Variants in FMN2 observed in about 807,000 individuals in gnomAD.
FMN2 encodes formin 2.
FMN2 carries 51 observed loss-of-function variants against 142.3 expected under a neutral mutation model. The ratio of observed to expected loss-of-function variants is 0.36; its 90% CI spans 0.29 to 0.45. The LOEUF (loss-of-function observed/expected upper bound fraction) is 0.45, where lower values mean the gene tolerates loss of function less well. Ranked by LOEUF, FMN2 falls within the 20% of genes least tolerant of loss-of-function variation. The pLI, the probability that FMN2 is intolerant of heterozygous loss-of-function variation, is 1.00. For synonymous variants in FMN2, 882 were observed against 869.8 expected, an observed-to-expected ratio of 1.01 and a Z score of -0.25; for missense variants, 1,936 against 2,122.8, an observed-to-expected ratio of 0.91 and a Z score of 1.73.
rs1244637290 is a variant in FMN2, at chr1:240,270,688, C to T, written c.4153+12656C>T. Among the ~76,000 whole-genome samples, 5 of 151,950 alleles carry T rather than the reference C, an allele frequency of 3.3e-5. No homozygotes were observed. The East Asian group carries it at 9.6e-4, about 29-fold the overall frequency. On this transcript the variant is annotated intron_variant, in intron 7 of 17. Coordinates refer to ENST00000319653, the MANE Select transcript of FMN2 (RefSeq NM_020066.5). ...AACTAGGTAATTCTGTCATTTGTAA[C>T]AACATGGACAAACCTAGAAGACATT...
At chr1:240,320,169 T>G (rs12046342) in intron 8 of FMN2, among the ~76,000 whole-genome samples, 83,301 of 151,694 alleles carry the variant, frequency 0.55, 23,307 homozygotes, top group African/African-American at 0.65. Flanking sequence ...CAGGGTGAGA[T>G]TGGGAAGGGG....
chr1:240,106,200 A>G (rs1661600851), intron 1 of FMN2, among the ~76,000 whole-genome samples: 1 of 152,050 alleles, frequency 6.6e-6, no homozygotes, highest in African/African-American at 2.4e-5. Context: ...GCCTTTTGGG[A>G]TGCCTTTTAG....
intron 15 of FMN2, among the ~76,000 whole-genome samples, chr1:240,427,266 T>C (rs933946121): frequency 6.6e-5 from 10 of 151,580 alleles, no homozygotes; most frequent in South Asian, 2.1e-4. Flanking sequence ...AGTGCAGTAG[T>C]GCTATCTCGG....
At chr1:240,115,128 G>A (rs2103202666) in intron 1 of FMN2, among the ~76,000 whole-genome samples, 1 of 152,212 alleles carries the variant, frequency 6.6e-6, no homozygotes, top group Admixed American at 6.5e-5. Flanking sequence ...GATAGCTGAT[G>A]TTTTATTTTT....
chr1:240,200,659 C>G (rs1217457022), intron 4 of FMN2, among the ~76,000 whole-genome samples: 2 of 152,066 alleles, frequency 1.3e-5, no homozygotes, highest in East Asian at 3.9e-4. Flanking sequence ...GGGATTGTAA[C>G]ATTAATACAG....
chr1:240,217,812 A>T (rs1666960865), intron 6 of FMN2, among the ~76,000 whole-genome samples: 1 of 152,110 alleles, frequency 6.6e-6, no homozygotes, highest in Non-Finnish European at 1.5e-5. Context: ...AAAATAAAAA[A>T]AAAAACACGA....
At chr1:240,157,215 TAAC>T (rs1664061070) in intron 2 of FMN2, among the ~76,000 whole-genome samples, 1 of 152,236 alleles carries the variant, frequency 6.6e-6, no homozygotes. Context: ...CTTATAACTT[TAAC>T]GTTTCATGCT....
chr1:240,156,932 T>A (rs980456801), intron 2 of FMN2, among the ~76,000 whole-genome samples: 2 of 152,198 alleles, frequency 1.3e-5, no homozygotes, highest in Non-Finnish European at 2.9e-5. Context: ...ACGTTGCTAT[T>A]TGAGCAAGCT....
chr1:240,132,040 T>C (rs1558311298), intron 2 of FMN2, among the ~76,000 whole-genome samples: 1 of 152,192 alleles, frequency 6.6e-6, no homozygotes, highest in African/African-American at 2.4e-5. Context: ...AGGGAATCTT[T>C]AGGATTTAGA....
intron 15 of FMN2, among the ~76,000 whole-genome samples, chr1:240,423,784 T>C (rs1331129402): frequency 6.6e-6 from 1 of 152,208 alleles, no homozygotes; most frequent in Non-Finnish European, 1.5e-5. Flanking sequence ...AGTCCCTTCA[T>C]GTCTACCCTT....
intron 17 of FMN2, among the ~76,000 whole-genome samples, chr1:240,472,715 G>A (rs1676850495): frequency 6.6e-6 from 1 of 152,110 alleles, no homozygotes; most frequent in Non-Finnish European, 1.5e-5. Context: ...GGGAGGCCGA[G>A]GTGGGCGGGT....
At chr1:240,209,772 C>T (rs568416673) in intron 5 of FMN2, among the ~76,000 whole-genome samples, 6 of 151,700 alleles carry the variant, frequency 4.0e-5, no homozygotes, top group Non-Finnish European at 5.9e-5. Context: ...GGCGAGGTGG[C>T]GGGCGCCGGT....
At chr1:240,240,535 C>T (rs953158183) in intron 6 of FMN2, among the ~76,000 whole-genome samples, 7 of 152,024 alleles carry the variant, frequency 4.6e-5, no homozygotes, top group African/African-American at 1.4e-4. Context: ...ATTGAGGTAA[C>T]GAAGTACAAA....
intron 15 of FMN2, among the ~76,000 whole-genome samples, chr1:240,423,830 A>C (rs559863105): frequency 6.6e-6 from 1 of 152,332 alleles, no homozygotes; most frequent in East Asian, 1.9e-4. Flanking sequence ...AATAGCCAGA[A>C]CTGCTGCATT....
chr1:240,373,327 G>C (rs940281182), intron 14 of FMN2, among the ~76,000 whole-genome samples: 4 of 152,142 alleles, frequency 2.6e-5, no homozygotes, highest in Non-Finnish European at 5.9e-5. Context: ...AGCTGTGGCA[G>C]TTTCTGAAAA....
At chr1:240,281,141 C>T (rs1669383604) in intron 7 of FMN2, among the ~76,000 whole-genome samples, 2 of 152,060 alleles carry the variant, frequency 1.3e-5, no homozygotes, top group Admixed American at 6.6e-5. Context: ...TAACTTATGT[C>T]GTTAACCTTG....
At chr1:240,439,279 A>AAAAAAAAAAAGAAAGAAAG (rs555074808) in intron 16 of FMN2, among the ~76,000 whole-genome samples, 21 of 124,772 alleles carry the variant, frequency 1.7e-4, no homozygotes, top group Non-Finnish European at 2.1e-4. Context: ...TCAAAAAAAA[A>AAAAAAAAAAAGAAAGAAAG]AAAGAAAGAA....
chr1:240,332,414 C>T, intron 11 of FMN2, among the ~76,000 whole-genome samples: 1 of 151,480 alleles, frequency 6.6e-6, no homozygotes, highest in East Asian at 1.9e-4. Flanking sequence ...TATGGTAATT[C>T]TTCAATACTC....
chr1:240,237,201 AGTTT>A (rs1353505216), intron 6 of FMN2, among the ~76,000 whole-genome samples: 1 of 152,152 alleles, frequency 6.6e-6, no homozygotes, highest in Admixed American at 6.5e-5. Flanking sequence ...TCTTTCTAAG[AGTTT>A]GTTTGATTGC....
Sources: gnomAD v4.1 joint callset for allele counts (sites outside exome capture counted in the v4.1 genomes callset) on GRCh38, gnomAD v4.1.1 for gene constraint, MANE v1.5 for transcripts, NCBI Gene and HGNC (gene_info 2026-07-23, HGNC 2026-07-21) for gene names.